The following SGCZ variants were observed in gnomAD, a reference collection of about 807,000 sequenced individuals.
The protein encoded by SGCZ is zeta-sarcoglycan.
Under a neutral mutation model 41.3 loss-of-function variants are expected in SGCZ, and 40 were observed. The ratio of observed to expected loss-of-function variants is 0.97; its 90% CI spans 0.75 to 1.26. The LOEUF is 1.26. Among genes scored for constraint, SGCZ ranks in the 50% most tolerant of loss-of-function variants. The probability of loss-of-function intolerance (pLI) is 0.00; values close to 1 mark genes in which losing one functional copy is unlikely to be tolerated. For missense variants in SGCZ, 552 were observed against 369.8 expected (o/e 1.49, Z -4.04); for synonymous variants, 206 against 137.5 (o/e 1.50, Z -3.49).
intron 1 of SGCZ, among the ~76,000 whole-genome samples, chr8:14,661,528 T>C (rs1585162778): frequency 1.3e-5 from 2 of 152,338 alleles, no homozygotes; most frequent in African/African-American, 4.8e-5. Flanking sequence ...CATTGAGGCA[T>C]GAACATATGT....
intron 1 of SGCZ, among the ~76,000 whole-genome samples, chr8:14,686,625 G>A (rs1388442665): frequency 6.6e-6 from 1 of 152,036 alleles, no homozygotes; most frequent in Non-Finnish European, 1.5e-5. Context: ...TTAAGTAGAA[G>A]CAGGGGTACT....
At chr8:14,877,169 T>A (rs1323449559) in intron 1 of SGCZ, among the ~76,000 whole-genome samples, 2 of 152,060 alleles carry the variant, frequency 1.3e-5, no homozygotes, top group Non-Finnish European at 2.9e-5. Context: ...AGACAGGGCT[T>A]CACCATGTTG....
At chr8:14,457,014 C>T (rs114775314) in intron 2 of SGCZ, among the ~76,000 whole-genome samples, 1,906 of 152,148 alleles carry the variant, frequency 0.013, 25 homozygotes, top group East Asian at 0.074. Context: ...GGGCTGTGGG[C>T]GACAAGCCAC....
intron 5 of SGCZ, among the ~76,000 whole-genome samples, chr8:14,154,099 G>C (rs376705342): frequency 6.6e-6 from 1 of 152,094 alleles, no homozygotes; most frequent in Non-Finnish European, 1.5e-5. Context: ...GGCCGGGCCC[G>C]GTGGCTCATG....
In SGCZ at chr8:14,996,773, G is replaced by A. The variant is rs747274581; in HGVS notation, c.39+240812C>T. On this transcript the variant is annotated intron_variant, in intron 1 of 7. Coordinates refer to ENST00000382080, the MANE Select transcript of SGCZ (RefSeq NM_139167.4). Reference sequence around the variant, plus strand: ...CCGTGGCCACAGCATTGACATTTGGGCTAAGAAACACTATATGCCAAACAA... The same window carrying A: ...CCGTGGCCACAGCATTGACATTTGGACTAAGAAACACTATATGCCAAACAA... Among the ~76,000 whole-genome samples the A allele has an allele frequency of 9.9e-4, 150 of 152,266 alleles. 1 individual carries two copies. Among genetic ancestry groups the A allele is most frequent in the Non-Finnish European group, 1.5e-3 (103 of 68,024 alleles).
chr8:14,636,460 G>A (rs1806831843), intron 1 of SGCZ, among the ~76,000 whole-genome samples: 2 of 151,886 alleles, frequency 1.3e-5, no homozygotes, highest in Non-Finnish European at 2.9e-5. Flanking sequence ...TGACGATGAA[G>A]AGAAATGAGC....
chr8:14,179,503 G>T (rs1804654089), intron 4 of SGCZ, among the ~76,000 whole-genome samples: 1 of 152,150 alleles, frequency 6.6e-6, no homozygotes, highest in African/African-American at 2.4e-5. Flanking sequence ...TGGTTGCACA[G>T]GACCTGTCTA....
chr8:14,403,812 G>A (rs1004325827), intron 2 of SGCZ, among the ~76,000 whole-genome samples: 5 of 152,038 alleles, frequency 3.3e-5, no homozygotes, highest in African/African-American at 1.2e-4. Flanking sequence ...ATGTTTAAAT[G>A]CTGTGGTAAC....
intron 3 of SGCZ, among the ~76,000 whole-genome samples, chr8:14,281,533 T>C (rs1214278233): frequency 6.6e-6 from 1 of 151,988 alleles, no homozygotes; most frequent in Non-Finnish European, 1.5e-5. Context: ...TACATGCACA[T>C]TTTGCATGCA....
intron 1 of SGCZ, among the ~76,000 whole-genome samples, chr8:14,659,428 A>G (rs1807677277): frequency 6.6e-6 from 1 of 152,198 alleles, no homozygotes; most frequent in Admixed American, 6.6e-5. Flanking sequence ...TTATAATTCT[A>G]TCCTTTTCTC....
chr8:14,579,926 G>C (rs1446376105), intron 1 of SGCZ, among the ~76,000 whole-genome samples: 1 of 152,114 alleles, frequency 6.6e-6, no homozygotes, highest in Non-Finnish European at 1.5e-5. Context: ...AGAGTGTGAA[G>C]GTTTAAGATT....
intron 1 of SGCZ, among the ~76,000 whole-genome samples, chr8:14,831,792 G>T (rs548634338): frequency 1.5e-4 from 22 of 143,652 alleles, no homozygotes; most frequent in African/African-American, 5.2e-4. Flanking sequence ...ATATATGTGT[G>T]TACACATACA....
At chr8:14,416,940 C>T (rs1417528524) in intron 2 of SGCZ, among the ~76,000 whole-genome samples, 5 of 151,750 alleles carry the variant, frequency 3.3e-5, no homozygotes, top group East Asian at 3.9e-4. Flanking sequence ...TGACAGTTTT[C>T]GTGTTACCAG....
intron 2 of SGCZ, among the ~76,000 whole-genome samples, chr8:14,522,950 T>C (rs1452501165): frequency 2.0e-5 from 3 of 151,906 alleles, no homozygotes; most frequent in African/African-American, 7.2e-5. Flanking sequence ...GATTTATCTA[T>C]ATTAATTTTT....
chr8:15,040,483 G>A (rs1804051992), intron 1 of SGCZ, among the ~76,000 whole-genome samples: 1 of 152,064 alleles, frequency 6.6e-6, no homozygotes, highest in African/African-American at 2.4e-5. Flanking sequence ...CGGGAGTGGT[G>A]GCAGGCATCT....
At chr8:14,377,438 G>A (rs943418813) in intron 2 of SGCZ, among the ~76,000 whole-genome samples, 14 of 151,856 alleles carry the variant, frequency 9.2e-5, no homozygotes, top group Non-Finnish European at 1.6e-4. Flanking sequence ...CCTGAGCTAT[G>A]TGAGTTATTT....
intron 2 of SGCZ, among the ~76,000 whole-genome samples, chr8:14,448,854 C>G (rs530037915): frequency 6.6e-6 from 1 of 152,184 alleles, no homozygotes; most frequent in Non-Finnish European, 1.5e-5. Context: ...GATATCTACA[C>G]TGACATAGCT....
At chr8:14,977,543 C>T (rs954125036) in intron 1 of SGCZ, among the ~76,000 whole-genome samples, 3 of 152,090 alleles carry the variant, frequency 2.0e-5, no homozygotes, top group Non-Finnish European at 4.4e-5. Flanking sequence ...ATGTTCCAGG[C>T]TCAGTGACAG....
intron 2 of SGCZ, among the ~76,000 whole-genome samples, chr8:14,469,499 G>A (rs1801148615): frequency 2.0e-5 from 3 of 151,974 alleles, no homozygotes; most frequent in Admixed American, 6.6e-5. Context: ...CTCCATGAGT[G>A]TGGCATTATA....
Sources: gnomAD v4.1 joint callset for allele counts (sites outside exome capture counted in the v4.1 genomes callset) on GRCh38, gnomAD v4.1.1 for gene constraint, MANE v1.5 for transcripts, NCBI Gene and HGNC (gene_info 2026-07-23, HGNC 2026-07-21) for gene names.